GRID1: variants seen among roughly 807,000 people sequenced by gnomAD.
GRID1 encodes glutamate receptor ionotropic, delta-1.
GRID1 carries 28 observed loss-of-function variants against 98.0 expected under a neutral mutation model. The observed-to-expected ratio is 0.29, with a 90% CI of 0.21 to 0.39. The LOEUF (loss-of-function observed/expected upper bound fraction) is 0.39, where lower values mean the gene tolerates loss of function less well. GRID1 is among the 10% of genes least tolerant of loss of function. The pLI is 1.00. For synonymous variants in GRID1, 553 were observed against 538.5 expected (o/e 1.03, Z -0.37); for missense variants, 1,111 against 1,340.5 (o/e 0.83, Z 2.67).
At chr10:86,126,514 T>C (rs1336525838) in intron 4 of GRID1, among the ~76,000 whole-genome samples, 3 of 152,178 alleles carry the variant, frequency 2.0e-5, no homozygotes, top group Non-Finnish European at 4.4e-5. Flanking sequence ...GTGCTAAGAA[T>C]GACTGCCTAT....
chr10:86,325,997 C>T (rs1389255486), intron 2 of GRID1, among the ~76,000 whole-genome samples: 2 of 152,160 alleles, frequency 1.3e-5, no homozygotes, highest in Non-Finnish European at 2.9e-5. Flanking sequence ...AGAGAATTAA[C>T]TAATAAACTA....
chr10:85,615,099 G>A (rs563389963), intron 14 of GRID1, among the ~76,000 whole-genome samples: 12 of 152,272 alleles, frequency 7.9e-5, no homozygotes, highest in Non-Finnish European at 1.5e-4. Flanking sequence ...CTGCATTCCA[G>A]GTCAGCTGTG....
At chr10:85,630,205 T>C (rs533754314) in intron 13 of GRID1, among the ~76,000 whole-genome samples, 6 of 152,200 alleles carry the variant, frequency 3.9e-5, no homozygotes, top group Non-Finnish European at 7.3e-5. Context: ...CACGGCATGG[T>C]ATGTTGGCAA....
At chr10:85,705,964 A>G (rs1455137965) in intron 12 of GRID1, among the ~76,000 whole-genome samples, 1 of 152,222 alleles carries the variant, frequency 6.6e-6, no homozygotes, top group Admixed American at 6.5e-5. Context: ...ACGTATCTCA[A>G]AATAATAAGA....
At chr10:85,905,202 T>C (rs1841443187) in intron 5 of GRID1, among the ~76,000 whole-genome samples, 1 of 151,926 alleles carries the variant, frequency 6.6e-6, no homozygotes, top group Admixed American at 6.5e-5. Flanking sequence ...AGTAATAATA[T>C]GAGGAGGAAG....
chr10:85,623,790 C>G (rs534152537), intron 13 of GRID1, among the ~76,000 whole-genome samples: 9 of 152,190 alleles, frequency 5.9e-5, no homozygotes, highest in African/African-American at 2.2e-4. Flanking sequence ...TTTCAGAGAT[C>G]TTTCACATTA....
At chr10:86,308,887 C>T (rs887932290) in intron 2 of GRID1, among the ~76,000 whole-genome samples, 1 of 152,184 alleles carries the variant, frequency 6.6e-6, no homozygotes, top group Non-Finnish European at 1.5e-5. Flanking sequence ...TGACATTAAT[C>T]CATTCATGAG....
chr10:85,706,645 C>G (rs1047598487), intron 12 of GRID1, among the ~76,000 whole-genome samples: 14 of 152,286 alleles, frequency 9.2e-5, no homozygotes, highest in South Asian at 2.1e-4. Context: ...AAAGAGCCCG[C>G]ATTGCCAAGT....
chr10:86,320,433 G>A (rs902171026), intron 2 of GRID1, among the ~76,000 whole-genome samples: 2 of 152,130 alleles, frequency 1.3e-5, no homozygotes, highest in Admixed American at 6.5e-5. Flanking sequence ...AAGTAAGCAC[G>A]TCACAAAAGT....
intron 4 of GRID1, among the ~76,000 whole-genome samples, chr10:85,952,192 C>T (rs956675108): frequency 2.6e-5 from 4 of 152,154 alleles, no homozygotes; most frequent in African/African-American, 9.7e-5. Flanking sequence ...AGAATAAAGA[C>T]ACAACAGAGC....
At chr10:86,019,031 T>C (rs996459054) in intron 4 of GRID1, among the ~76,000 whole-genome samples, 1 of 152,234 alleles carries the variant, frequency 6.6e-6, no homozygotes, top group Non-Finnish European at 1.5e-5. Flanking sequence ...GATTCTGGAC[T>C]GTGCTTACAA....
chr10:86,284,891 T>C (rs1486161400), intron 2 of GRID1, among the ~76,000 whole-genome samples: 1 of 152,176 alleles, frequency 6.6e-6, no homozygotes, highest in Non-Finnish European at 1.5e-5. Flanking sequence ...CAGGTCTGGC[T>C]CTACCCTGGT....
intron 4 of GRID1, among the ~76,000 whole-genome samples, chr10:85,928,690 T>C (rs1841809568): frequency 6.6e-6 from 1 of 152,206 alleles, no homozygotes; most frequent in African/African-American, 2.4e-5. Flanking sequence ...TAATGAGTTA[T>C]ACACACAAAC....
chr10:85,730,121 C>T (rs1227293834), intron 8 of GRID1, among the ~76,000 whole-genome samples: 1 of 152,206 alleles, frequency 6.6e-6, no homozygotes, highest in African/African-American at 2.4e-5. Flanking sequence ...TCAAGAGCTT[C>T]CTGCCTGTTT....
intron 4 of GRID1, among the ~76,000 whole-genome samples, chr10:86,032,260 T>A (rs1226037267): frequency 6.6e-6 from 1 of 151,938 alleles, no homozygotes; most frequent in Non-Finnish European, 1.5e-5. Context: ...GGGGCGCCTC[T>A]GCCCGGCCAC....
At chr10:86,358,771 T>C (rs1446638334) in intron 2 of GRID1, among the ~76,000 whole-genome samples, 1 of 150,996 alleles carries the variant, frequency 6.6e-6, no homozygotes, top group Non-Finnish European at 1.5e-5. Context: ...AAAGAATAAA[T>C]AAATAATAGG....
At chr10:85,737,544 T>C (rs1259705356) in intron 8 of GRID1, among the ~76,000 whole-genome samples, 1 of 151,024 alleles carries the variant, frequency 6.6e-6, no homozygotes, top group Non-Finnish European at 1.5e-5. Context: ...AGTGGAGACT[T>C]TTGTCATATT....
intron 4 of GRID1, among the ~76,000 whole-genome samples, chr10:85,961,422 G>A (rs1354162038): frequency 1.3e-5 from 2 of 152,086 alleles, no homozygotes; most frequent in African/African-American, 4.8e-5. Context: ...GACCAGTGAG[G>A]AGGCCTCCCG....
intron 2 of GRID1, among the ~76,000 whole-genome samples, chr10:86,313,474 G>A (rs1847858939): frequency 6.6e-6 from 1 of 152,144 alleles, no homozygotes; most frequent in African/African-American, 2.4e-5. Context: ...AATGAACAGA[G>A]GACTCTCCAG....
Sources: allele counts gnomAD v4.1 joint callset (sites outside exome capture counted in the v4.1 genomes callset), GRCh38; gene constraint gnomAD v4.1.1; transcripts MANE v1.5; gene names NCBI Gene and HGNC (gene_info 2026-07-23, HGNC 2026-07-21).